PDXDC1: variants seen among roughly 807,000 people sequenced by gnomAD.
The protein encoded by PDXDC1 is pyridoxal-dependent decarboxylase domain-containing protein 1.
Under a neutral mutation model 100.1 loss-of-function variants are expected in PDXDC1, and 42 were observed. The observed-to-expected ratio is 0.42, with a 90% CI of 0.33 to 0.54. The LOEUF is 0.54. Ranked by LOEUF, PDXDC1 falls within the 20% of genes least tolerant of loss-of-function variation. PDXDC1 has a pLI of 0.10. For missense variants in PDXDC1, 636 were observed against 979.2 expected, an observed-to-expected ratio of 0.65 and a Z score of 4.68; for synonymous variants, 260 against 371.7, an observed-to-expected ratio of 0.70 and a Z score of 3.46.
At chr16:15,043,059 CCTGG>C (rs766703782), downstream of PDXDC1, among the ~76,000 whole-genome samples, 19 of 152,300 alleles carry the variant, frequency 1.2e-4, no homozygotes, top group East Asian at 1.7e-3. Context: ...CACCACCATG[CCTGG>C]CTAATTTTGT....
At chr16:14,982,270 G>A (rs561751760) in intron 1 of PDXDC1, among the ~76,000 whole-genome samples, 14 of 152,414 alleles carry the variant, frequency 9.2e-5, no homozygotes, top group Non-Finnish European at 1.8e-4. Flanking sequence ...ACACTCAAGC[G>A]TAGAGACCAT....
chr16:15,141,559 G>C, downstream of PDXDC1, among the ~76,000 whole-genome samples: 1 of 152,204 alleles, frequency 6.6e-6, no homozygotes, highest in Admixed American at 6.5e-5. Context: ...TCCGGGAGGG[G>C]AGAGGATCTG....
At chr16:15,019,375 G>C (rs1221263588) in intron 12 of PDXDC1, among the ~76,000 whole-genome samples, 1 of 152,290 alleles carries the variant, frequency 6.6e-6, no homozygotes, top group Non-Finnish European at 1.5e-5. Flanking sequence ...CAGCTGGCTT[G>C]GGTTTCCAAA....
chr16:15,055,812 G>T, intron 16 of PDXDC1: 1 of 767,100 alleles, frequency 1.3e-6, no homozygotes, highest in Non-Finnish European at 1.8e-6. Flanking sequence ...TCAAGTCTGT[G>T]TCGCGTGAGG....
At chr16:15,104,825 C>T (rs553570762) in intron 16 of PDXDC1, 3 of 1,517,828 alleles carry the variant, frequency 2.0e-6, no homozygotes, top group African/African-American at 1.4e-5. Context: ...CCGCCACCAA[C>T]ACAGTCTGCA....
chr16:15,003,948 C>T (rs1299288953), intron 4 of PDXDC1, among the ~76,000 whole-genome samples: 1 of 152,256 alleles, frequency 6.6e-6, no homozygotes, highest in Non-Finnish European at 1.5e-5. Context: ...CGCACCACTG[C>T]ACCCCAGCTT....
chr16:15,036,317 G>A lies in PDXDC1; in HGVS notation c.*42G>A. On this transcript the variant is annotated 3_prime_UTR_variant, in exon 23 of 23. Transcript: ENST00000396410. ...TGAGACTGTACTGAGTATTGTTTCA[G>A]GGAAGATGAAGTTCTATTGGAAATG... The A allele has an allele frequency of 6.5e-7, 1 of 1,538,306 alleles. No individual in the cohort carries two copies. The highest frequency in any genetic ancestry group is 8.9e-7 in the Non-Finnish European group (1 of 1,128,044).
At chr16:14,988,871 C>T in intron 1 of PDXDC1, 1 of 1,613,964 alleles carries the variant, frequency 6.2e-7, no homozygotes. Context: ...GGAGGGTCAG[C>T]CTCCACAGGT....
At chr16:14,984,497 T>TATATATATATATATATATATA (rs1221650484) in intron 1 of PDXDC1, among the ~76,000 whole-genome samples, 5 of 36,968 alleles carry the variant, frequency 1.4e-4, no homozygotes, top group South Asian at 1.1e-3. Context: ...ATATATATAT[T>TATATATATATATATATATATA]TTTTTTTTTT....
intron 16 of PDXDC1, chr16:15,130,515 C>A: frequency 1.5e-6 from 2 of 1,339,884 alleles, no homozygotes; most frequent in Non-Finnish European, 2.1e-6. Flanking sequence ...TATCGGAGTC[C>A]CAGAGCCCAT....
chr16:15,131,471 G>T, intron 16 of PDXDC1: 1 of 1,607,694 alleles, frequency 6.2e-7, no homozygotes, highest in Non-Finnish European at 8.5e-7. Context: ...CCAGGCCCTG[G>T]GGCGCCGCCA....
At chr16:15,044,339 A>C in intron 16 of PDXDC1, 2 of 1,607,002 alleles carry the variant, frequency 1.2e-6, no homozygotes, top group Non-Finnish European at 1.7e-6. Flanking sequence ...CTTACTAAGA[A>C]GTTGATGAGT....
chr16:15,140,027 G>A (rs1240682195), downstream of PDXDC1, among the ~76,000 whole-genome samples: 1 of 136,114 alleles, frequency 7.3e-6, no homozygotes, highest in Non-Finnish European at 1.5e-5. Context: ...AACCCGGGAG[G>A]CGAAGGTTGC....
downstream of PDXDC1, chr16:15,041,684 G>T: frequency 6.2e-7 from 1 of 1,602,712 alleles, no homozygotes; most frequent in South Asian, 1.1e-5. Flanking sequence ...CACCTATGAT[G>T]AGAATTTTAA....
chr16:15,099,845 T>A (rs4012861), intron 16 of PDXDC1, among the ~76,000 whole-genome samples: 1 of 152,232 alleles, frequency 6.6e-6, no homozygotes, highest in Non-Finnish European at 1.5e-5. Flanking sequence ...ATTAAACTGT[T>A]ATTTCAAAAC....
chr16:15,063,719 A>AAG (rs2044825563), intron 16 of PDXDC1, among the ~76,000 whole-genome samples: 1 of 151,108 alleles, frequency 6.6e-6, no homozygotes, highest in South Asian at 2.1e-4. Flanking sequence ...AAAAAAAAAA[A>AAG]AAAGAAAAAA....
chr16:15,042,895 G>C (rs1220270200), downstream of PDXDC1, among the ~76,000 whole-genome samples: 1 of 143,148 alleles, frequency 7.0e-6, no homozygotes, highest in African/African-American at 2.5e-5. Context: ...ACCATGCCCA[G>C]CTAATTTTTT....
downstream of PDXDC1, chr16:15,038,428 G>A (rs1031475771): frequency 1.6e-6 from 1 of 627,880 alleles, no homozygotes; most frequent in Non-Finnish European, 2.8e-6. Context: ...TGATATACAA[G>A]TTAAATGGGG....
At chr16:15,142,380 C>T (rs149801178), downstream of PDXDC1, among the ~76,000 whole-genome samples, 960 of 152,240 alleles carry the variant, frequency 6.3e-3, 6 homozygotes, top group African/African-American at 0.022. Context: ...CTCCTTCTCC[C>T]GGCCCTCACC....
Sources: allele counts gnomAD v4.1 joint callset (sites outside exome capture counted in the v4.1 genomes callset), GRCh38; gene constraint gnomAD v4.1.1; transcripts MANE v1.5; gene names NCBI Gene and HGNC (gene_info 2026-07-23, HGNC 2026-07-21).